The following FAM227B variants were observed in gnomAD, a reference collection of about 807,000 sequenced individuals.
FAM227B encodes family with sequence similarity 227 member B, also known as protein FAM227B.
FAM227B carries 88 observed loss-of-function variants against 73.8 expected under a neutral mutation model. The observed-to-expected ratio is 1.19, with a 90% CI of 1.00 to 1.42. The LOEUF (loss-of-function observed/expected upper bound fraction) is 1.42. Among genes scored for constraint, FAM227B ranks in the 40% most tolerant of loss-of-function variants. The pLI is 0.00. For missense variants in FAM227B, 632 were observed against 590.9 expected, an observed-to-expected ratio of 1.07 and a Z score of -0.72; for synonymous variants, 210 against 190.5, an observed-to-expected ratio of 1.10 and a Z score of -0.84.
In FAM227B at chr15:49,551,153, G is replaced by A. The variant is rs1043772883; in HGVS notation, c.748-9347C>T. 5.5e-4 allele frequency among the ~76,000 whole-genome samples: 84 copies of A among 152,320 alleles called. 1 individual carries two copies. Among genetic ancestry groups the A allele is most frequent in the African/African-American group, 1.9e-3 (79 of 41,570 alleles). On this transcript the variant is annotated intron_variant, in intron 9 of 15. Transcript: ENST00000299338. ...GAAAACCAGTCAGGCGTGGCGTCAC[G>A]CGCCTGCAATTGCAGGCACTCGGCA...
At chr15:49,415,190 C>T (rs1413009200) in intron 11 of FAM227B, among the ~76,000 whole-genome samples, 5 of 152,116 alleles carry the variant, frequency 3.3e-5, no homozygotes, top group African/African-American at 7.2e-5. Context: ...ATTGCTATTG[C>T]TAGTTTTACC....
At chr15:49,525,131 A>G (rs939988661) in intron 10 of FAM227B, among the ~76,000 whole-genome samples, 2 of 152,142 alleles carry the variant, frequency 1.3e-5, no homozygotes, top group African/African-American at 2.4e-5. Context: ...GAATCGGGGT[A>G]AAATGATATG....
At chr15:49,591,390 CTCCCTCCTTCCTTCCT>C (rs2076559139) in intron 3 of FAM227B, among the ~76,000 whole-genome samples, 1 of 138,472 alleles carries the variant, frequency 7.2e-6, no homozygotes, top group Non-Finnish European at 1.6e-5. Flanking sequence ...CCTTCCCTCC[CTCCCTCCTTCCTTCCT>C]TCCCTCCTTC....
intron 11 of FAM227B, among the ~76,000 whole-genome samples, chr15:49,475,389 C>T (rs1466413050): frequency 2.0e-5 from 3 of 152,136 alleles, no homozygotes; most frequent in African/African-American, 7.2e-5. Flanking sequence ...GAAAAGGAAC[C>T]AGGGTAGTCC....
intron 11 of FAM227B, chr15:49,486,185 T>A (rs1013539824): frequency 3.3e-5 from 5 of 152,082 alleles, no homozygotes; most frequent in African/African-American, 9.6e-5. Flanking sequence ...TAGTATTTGG[T>A]AATACATTTA....
intron 11 of FAM227B, among the ~76,000 whole-genome samples, chr15:49,505,162 A>T (rs12441304): frequency 6.6e-6 from 1 of 151,970 alleles, no homozygotes; most frequent in African/African-American, 2.4e-5. Flanking sequence ...AACAGCATGC[A>T]CTCTATATAA....
chr15:49,439,328 G>C (rs1430988043), intron 11 of FAM227B, among the ~76,000 whole-genome samples: 1 of 151,628 alleles, frequency 6.6e-6, no homozygotes, highest in Non-Finnish European at 1.5e-5. Flanking sequence ...GGGAGGCAGA[G>C]AGAGAGAGAA....
chr15:49,490,982 T>C (rs1395180062), intron 11 of FAM227B, among the ~76,000 whole-genome samples: 2 of 152,022 alleles, frequency 1.3e-5, no homozygotes, highest in Non-Finnish European at 2.9e-5. Flanking sequence ...GAAATAAAAT[T>C]GAAAAACTGA....
chr15:49,442,569 C>T (rs954817048), intron 11 of FAM227B, among the ~76,000 whole-genome samples: 38 of 151,714 alleles, frequency 2.5e-4, no homozygotes, highest in African/African-American at 9.2e-4. Flanking sequence ...GTCACTCTCT[C>T]CCCTTTCCTT....
chr15:49,476,280 T>C (rs1175567359), intron 11 of FAM227B, among the ~76,000 whole-genome samples: 3 of 150,646 alleles, frequency 2.0e-5, no homozygotes, highest in Non-Finnish European at 4.4e-5. Flanking sequence ...TCACTTATTT[T>C]ATTTTTTCTG....
At position 49,597,931 on chromosome 15, in the gene FAM227B, A is replaced by T. The variant is rs1328764198; in HGVS notation, c.106-7924T>A. Among the ~76,000 whole-genome samples the T allele has an allele frequency of 3.9e-5, 6 of 151,982 alleles. No individual in the cohort carries two copies. In the East Asian group the frequency reaches 1.2e-3, roughly 29 times the overall value. ...TCATAGATTAAACCAGGAAAAAAAT[A>T]GAAACTCTGAACAGACAAATAATGA... On this transcript the variant is annotated intron_variant, in intron 3 of 15. Transcript: ENST00000299338.
intron 13 of FAM227B, among the ~76,000 whole-genome samples, chr15:49,361,697 C>T (rs1322822292): frequency 6.6e-6 from 1 of 152,000 alleles, no homozygotes; most frequent in African/African-American, 2.4e-5. Flanking sequence ...AATAGTGTTG[C>T]AATGAGCATA....
intron 14 of FAM227B, among the ~76,000 whole-genome samples, chr15:49,332,059 A>G (rs1222541160): frequency 6.6e-6 from 1 of 150,738 alleles, no homozygotes; most frequent in Non-Finnish European, 1.5e-5. Context: ...AGGTTCAGAC[A>G]CCCACCCCCG....
At chr15:49,355,172 AAGC>A (rs2042925089) in intron 13 of FAM227B, among the ~76,000 whole-genome samples, 1 of 152,038 alleles carries the variant, frequency 6.6e-6, no homozygotes, top group Admixed American at 6.5e-5. Context: ...AAACTCTAAA[AAGC>A]AGAGCGCCTC....
chr15:49,560,644 T>G (rs1349322847), intron 9 of FAM227B, among the ~76,000 whole-genome samples: 1 of 152,192 alleles, frequency 6.6e-6, no homozygotes, highest in Non-Finnish European at 1.5e-5. Context: ...TCAGATTATG[T>G]ATGAAGGGAA....
chr15:49,546,463 G>T (rs1254814324), intron 9 of FAM227B, among the ~76,000 whole-genome samples: 3 of 152,006 alleles, frequency 2.0e-5, no homozygotes, highest in Non-Finnish European at 4.4e-5. Context: ...TAATCCTTTG[G>T]GTATATACCC....
intron 11 of FAM227B, among the ~76,000 whole-genome samples, chr15:49,476,104 T>C (rs1335252996): frequency 6.6e-6 from 1 of 152,102 alleles, no homozygotes; most frequent in Non-Finnish European, 1.5e-5. Flanking sequence ...TTTCTACCTA[T>C]GTCAACTCTA....
chr15:49,362,652 T>A (rs1004553971), intron 13 of FAM227B, among the ~76,000 whole-genome samples: 15 of 152,232 alleles, frequency 9.9e-5, no homozygotes, highest in African/African-American at 3.6e-4. Flanking sequence ...AATTTTTGTT[T>A]TTCTTGCAAT....
chr15:49,439,606 C>T (rs2051440494), intron 11 of FAM227B, among the ~76,000 whole-genome samples: 1 of 151,594 alleles, frequency 6.6e-6, no homozygotes, highest in South Asian at 2.1e-4. Context: ...AGAAACAGAG[C>T]AATAAGTTTG....
Sources: gnomAD v4.1 joint callset for allele counts (sites outside exome capture counted in the v4.1 genomes callset) on GRCh38, gnomAD v4.1.1 for gene constraint, MANE v1.5 for transcripts, NCBI Gene and HGNC (gene_info 2026-07-23, HGNC 2026-07-21) for gene names.